The following ATP6V0D1 variants were observed in gnomAD, a reference collection of about 807,000 sequenced individuals.
ATP6V0D1 encodes the protein V-type proton ATPase subunit d 1.
ATP6V0D1 carries 13 observed loss-of-function variants against 39.0 expected under a neutral mutation model. The observed-to-expected ratio is 0.33, with a 90% CI of 0.22 to 0.53. The LOEUF is 0.53. Ranked by LOEUF, ATP6V0D1 falls within the 20% of genes least tolerant of loss-of-function variation. The pLI is 0.94. For missense variants in ATP6V0D1, 272 were observed against 470.9 expected, an observed-to-expected ratio of 0.58 and a Z score of 3.91; for synonymous variants, 191 against 191.2, an observed-to-expected ratio of 1.00 and a Z score of 0.01.
At chr16:67,449,387 G>A (rs1025434239) in intron 2 of ATP6V0D1, among the ~76,000 whole-genome samples, 5 of 152,248 alleles carry the variant, frequency 3.3e-5, no homozygotes, top group African/African-American at 1.2e-4. Flanking sequence ...ATCATGGAAT[G>A]GCCCAGATCA....
chr16:67,477,484 G>T (rs1597585977), intron 1 of ATP6V0D1, among the ~76,000 whole-genome samples: 1 of 152,090 alleles, frequency 6.6e-6, no homozygotes, highest in Admixed American at 6.5e-5. Context: ...CAACTGAAAG[G>T]GTATGCTGTC....
chr16:67,452,319 A>C (rs1054705756), intron 2 of ATP6V0D1: 30 of 1,535,616 alleles, frequency 2.0e-5, no homozygotes, highest in Non-Finnish European at 2.4e-5. Flanking sequence ...TAGCTTGGGC[A>C]TGTTCCCTGG....
Position 67,444,171 on chromosome 16 carries a change from G to A in ATP6V0D1, c.481+357C>T, listed in dbSNP as rs577133437. On this transcript the variant is annotated intron_variant, in intron 3 of 7. Coordinates refer to ENST00000290949, the MANE Select transcript of ATP6V0D1 (RefSeq NM_004691.5). The surrounding 1 kb of genome is among the most constrained non-coding windows in gnomAD (Gnocchi z 4.8). ...CTGGCTTTACTCAGGCTCCAGCTCC[G>A]GGCCACAGTCTGTCAGAGCTCTCGG... 6.6e-6 allele frequency among the ~76,000 whole-genome samples: 1 copy of A among 152,308 alleles called. No homozygotes were observed. The highest frequency in any genetic ancestry group is 2.1e-4 in the South Asian group (1 of 4,828).
chr16:67,469,607 C>T (rs1052948486), intron 1 of ATP6V0D1, among the ~76,000 whole-genome samples: 2 of 152,302 alleles, frequency 1.3e-5, no homozygotes, highest in East Asian at 3.9e-4. Context: ...CCCTAAGACT[C>T]AGACCAGCCC....
intron 1 of ATP6V0D1, among the ~76,000 whole-genome samples, chr16:67,466,173 G>C (rs954425258): frequency 1.6e-4 from 24 of 152,120 alleles, no homozygotes; most frequent in African/African-American, 5.8e-4. Context: ...AGCTATGCAG[G>C]AATGTCTCAT....
rs2041121309 is a variant in ATP6V0D1 at position 67,446,753 on chromosome 16, G to C, written c.303-2047C>G. The stretch of plus-strand genomic sequence containing the variant: ...TGTAGCCTTGGTGCTCCCTGAGACA[G>C]TCACAAATCCCCTGCCCCCAAGCAG... On this transcript the variant is annotated intron_variant, in intron 2 of 7. Transcript: ENST00000290949. 3.3e-5 allele frequency among the ~76,000 whole-genome samples: 5 copies of C among 152,090 alleles called. No individual in the cohort carries two copies. In the South Asian group the frequency reaches 1.0e-3, roughly 32 times the overall value.
At chr16:67,466,565 T>G (rs994970567) in intron 1 of ATP6V0D1, among the ~76,000 whole-genome samples, 1 of 150,234 alleles carries the variant, frequency 6.7e-6, no homozygotes, top group African/African-American at 2.5e-5. Flanking sequence ...CCGGGCACGG[T>G]GGCTCACACC....
At chr16:67,459,544 G>A (rs1217771267) in intron 1 of ATP6V0D1, among the ~76,000 whole-genome samples, 3 of 152,234 alleles carry the variant, frequency 2.0e-5, no homozygotes, top group African/African-American at 7.2e-5. Flanking sequence ...GAGGGCATGG[G>A]ACACTCAGCC....
intron 1 of ATP6V0D1, among the ~76,000 whole-genome samples, chr16:67,458,096 C>A (rs530194728): frequency 6.6e-6 from 1 of 152,314 alleles, no homozygotes; most frequent in East Asian, 1.9e-4. Context: ...CCTCAGCTCA[C>A]CCATGAGGAG....
At chr16:67,442,177 C>T (rs903434751) in intron 4 of ATP6V0D1, among the ~76,000 whole-genome samples, 1 of 152,274 alleles carries the variant, frequency 6.6e-6, no homozygotes, top group African/African-American at 2.4e-5. Flanking sequence ...CTGGCCCAGG[C>T]CCCTGCAGGG....
At position 67,447,001 on chromosome 16, in the gene ATP6V0D1, C is replaced by G. The variant is rs979821506; in HGVS notation, c.303-2295G>C. 6.6e-5 allele frequency among the ~76,000 whole-genome samples: 10 copies of G among 152,194 alleles called. No homozygotes were observed. Among genetic ancestry groups the G allele is most frequent in the African/African-American group, 2.4e-4 (10 of 41,428 alleles). On this transcript the variant is annotated intron_variant, in intron 2 of 7. Transcript: ENST00000290949. This position sits in a 1 kb window ranked among gnomAD's most constrained non-coding sequence, Gnocchi z 4.1. ...ATGTCCACACACCTCCACCCATGAC[C>G]AGGGCCCCCTGCCTGGCTCTACATA... is the stretch of plus-strand genomic sequence containing the variant.
At chr16:67,466,856 C>CAA (rs2041334874) in intron 1 of ATP6V0D1, among the ~76,000 whole-genome samples, 1 of 152,070 alleles carries the variant, frequency 6.6e-6, no homozygotes, top group South Asian at 2.1e-4. Context: ...CCTGGAAAGC[C>CAA]AAACCGGAGA....
intron 1 of ATP6V0D1, among the ~76,000 whole-genome samples, chr16:67,463,271 C>G (rs2041303317): frequency 6.6e-6 from 1 of 152,164 alleles, no homozygotes; most frequent in South Asian, 2.1e-4. Context: ...TGGCTCATGC[C>G]TGTAATCCCA....
At chr16:67,452,496 G>A in intron 2 of ATP6V0D1, 9 of 1,162,868 alleles carry the variant, frequency 7.7e-6, no homozygotes, top group Non-Finnish European at 1.1e-5. Flanking sequence ...AGTGGGGCAG[G>A]TGTGCCAGGT....
chr16:67,452,473 C>T, intron 2 of ATP6V0D1: 1 of 1,408,828 alleles, frequency 7.1e-7, no homozygotes, highest in Non-Finnish European at 9.7e-7. Flanking sequence ...CTAACTCTGT[C>T]CCTGCAGGGA....
chr16:67,450,541 G>A (rs1437444629), intron 2 of ATP6V0D1, among the ~76,000 whole-genome samples: 54 of 152,262 alleles, frequency 3.5e-4, no homozygotes, highest in Admixed American at 3.5e-3. Context: ...TAGCTAGGGG[G>A]GCTGGGGGGT....
intron 2 of ATP6V0D1, among the ~76,000 whole-genome samples, chr16:67,449,637 C>T (rs918182163): frequency 6.6e-6 from 1 of 152,260 alleles, no homozygotes; most frequent in Non-Finnish European, 1.5e-5. Context: ...CACCTACTCT[C>T]TCCAGTGGCT....
intron 1 of ATP6V0D1, among the ~76,000 whole-genome samples, chr16:67,467,365 C>T (rs1483142770): frequency 4.6e-5 from 7 of 152,062 alleles, no homozygotes; most frequent in African/African-American, 1.4e-4. Flanking sequence ...ATTAGGCGGG[C>T]GTGGTGGCGG....
intron 1 of ATP6V0D1, among the ~76,000 whole-genome samples, chr16:67,477,418 ATAT>A: frequency 6.6e-6 from 1 of 152,322 alleles, no homozygotes; most frequent in South Asian, 2.1e-4. Context: ...AGGAGGAATA[ATAT>A]TGTCATTTTT....
Sources: allele counts gnomAD v4.1 joint callset (sites outside exome capture counted in the v4.1 genomes callset), GRCh38; gene constraint gnomAD v4.1.1; non-coding constraint Gnocchi (gnomAD v3.1); transcripts MANE v1.5; gene names NCBI Gene and HGNC (gene_info 2026-07-23, HGNC 2026-07-21).